Variants in OSCP1 observed in about 807,000 individuals in gnomAD.
OSCP1 encodes organic solute carrier partner 1, also known as protein OSCP1.
Under a neutral mutation model 45.1 loss-of-function variants are expected in OSCP1, and 35 were observed. The observed-to-expected ratio is 0.78, with a 90% CI of 0.59 to 1.03. The LOEUF (loss-of-function observed/expected upper bound fraction) is 1.03, where lower values mean the gene tolerates loss of function less well. Among genes scored for constraint, OSCP1 ranks in the 50% least tolerant of loss-of-function variants. The probability of loss-of-function intolerance (pLI) is 0.00; values close to 1 mark genes in which losing one functional copy is unlikely to be tolerated. For synonymous variants in OSCP1, 179 were observed against 180.1 expected, an observed-to-expected ratio of 0.99 and a Z score of 0.05; for missense variants, 400 against 470.7, an observed-to-expected ratio of 0.85 and a Z score of 1.39.
At chr1:36,431,484 T>C (rs1648358817) in intron 4 of OSCP1, among the ~76,000 whole-genome samples, 1 of 151,970 alleles carries the variant, frequency 6.6e-6, no homozygotes, top group South Asian at 2.1e-4. Context: ...TCAAGGAGGA[T>C]ACAGCTCAAC....
chr1:36,440,402 C>G (rs558433984), intron 1 of OSCP1, among the ~76,000 whole-genome samples: 40 of 152,196 alleles, frequency 2.6e-4, no homozygotes, highest in Non-Finnish European at 4.0e-4. Context: ...CACACACCCC[C>G]GGTGACACAA....
At chr1:36,429,529 C>G (rs1415352301) in intron 4 of OSCP1, among the ~76,000 whole-genome samples, 4 of 103,578 alleles carry the variant, frequency 3.9e-5, no homozygotes, top group Admixed American at 2.2e-4. Flanking sequence ...AATTCAGAAG[C>G]TTAGAATTTT....
intron 4 of OSCP1, among the ~76,000 whole-genome samples, chr1:36,424,073 T>G (rs1478230446): frequency 6.6e-6 from 1 of 152,012 alleles, no homozygotes; most frequent in South Asian, 2.1e-4. Context: ...AGCCCCCAAG[T>G]AGCTGGGACC....
At position 36,447,863 on chromosome 1, in the gene OSCP1, A is replaced by G. The variant is rs779957971; in HGVS notation, c.112+2395T>C. On this transcript the variant is annotated intron_variant, in intron 1 of 9. Transcript: ENST00000235532. This position sits in a 1 kb window ranked among gnomAD's most constrained non-coding sequence, Gnocchi z 4.1. ...CATCAGGCTCCATATAGTATCTCAC[A>G]TAGTGTTTGACACTCAGTCAAAATC... is the stretch of plus-strand genomic sequence containing the variant. The G allele has an allele frequency of 4.4e-6, 2 of 452,872 alleles. No homozygotes were observed. The highest frequency in any genetic ancestry group is 4.7e-5 in the Admixed American group (2 of 42,358). 28.1% of individuals were successfully genotyped at this position (452,872 alleles called of 1,614,324 possible). A position where few individuals can be genotyped will look rare whatever the true frequency, so the allele number is the denominator to read the frequency against.
intron 4 of OSCP1, among the ~76,000 whole-genome samples, chr1:36,430,932 G>T (rs1277311038): frequency 6.6e-6 from 1 of 152,242 alleles, no homozygotes; most frequent in Non-Finnish European, 1.5e-5. Context: ...TGGGATTACA[G>T]GCGTGAGCCA....
chr1:36,448,599 G>T (rs910215950), intron 1 of OSCP1, among the ~76,000 whole-genome samples: 5 of 152,212 alleles, frequency 3.3e-5, no homozygotes, highest in African/African-American at 4.8e-5. Flanking sequence ...TGGGAGCACA[G>T]GCTGCTATGA....
chr1:36,450,143 T>C lies in OSCP1; in HGVS notation c.112+115A>G. On this transcript the variant is annotated intron_variant, in intron 1 of 9. Transcript: ENST00000235532. ...GGATGTGGCTTGTAAGAAAGGTCCC[T>C]GGTTATAAGAGTGAAGTGTGTAGGG... 3 of 805,224 alleles carry C rather than the reference T, an allele frequency of 3.7e-6. No homozygotes were observed. In the East Asian group the frequency reaches 7.7e-5, roughly 21 times the overall value. 49.9% of individuals were successfully genotyped at this position (805,224 alleles called of 1,614,324 possible).
chr1:36,439,724 C>G (rs2124804838), intron 1 of OSCP1, among the ~76,000 whole-genome samples: 1 of 152,280 alleles, frequency 6.6e-6, no homozygotes, highest in East Asian at 1.9e-4. Context: ...TTTTGAATGC[C>G]TTAATTTCCA....
chr1:36,442,346 G>A (rs1392655266), intron 1 of OSCP1, among the ~76,000 whole-genome samples: 3 of 152,140 alleles, frequency 2.0e-5, no homozygotes, highest in Admixed American at 6.5e-5. Context: ...AGATTATGAA[G>A]CCAGTTTCTG....
At chr1:36,440,546 C>T (rs1458999755) in intron 1 of OSCP1, among the ~76,000 whole-genome samples, 1 of 152,176 alleles carries the variant, frequency 6.6e-6, no homozygotes, top group African/African-American at 2.4e-5. Flanking sequence ...TGACATCTGA[C>T]AATTTCAAAC....
rs1319893994 is a variant in OSCP1, at chr1:36,422,758, A to G, written c.749+10T>C. The G allele has an allele frequency of 6.4e-7, 1 of 1,564,736 alleles. No homozygotes were observed. Among genetic ancestry groups the G allele is most frequent in the Non-Finnish European group, 8.7e-7 (1 of 1,152,286 alleles). ...TGGACTTGAATTCACTCAGAGAAGA[A>G]TTTGCTTACATGTTAGTTCCCAGTT... is the stretch of plus-strand genomic sequence containing the variant. On this transcript the variant is annotated intron_variant, in intron 6 of 9. Coordinates refer to ENST00000235532, the MANE Select transcript of OSCP1 (RefSeq NM_145047.5).
intron 1 of OSCP1, 68 bp from the exon 2 acceptor site, chr1:36,438,978 T>C: frequency 6.5e-7 from 1 of 1,541,090 alleles, no homozygotes; most frequent in Non-Finnish European, 8.9e-7. Context: ...ATGCTCTTTG[T>C]GTGCAGGTAC....
At chr1:36,442,551 T>C (rs1353153305) in intron 1 of OSCP1, among the ~76,000 whole-genome samples, 1 of 152,222 alleles carries the variant, frequency 6.6e-6, no homozygotes, top group African/African-American at 2.4e-5. Flanking sequence ...CAATTGGGCT[T>C]TTTTTCGAGA....
chr1:36,426,947 C>G (rs1238132862), intron 4 of OSCP1, among the ~76,000 whole-genome samples: 1 of 149,950 alleles, frequency 6.7e-6, no homozygotes, highest in East Asian at 2.0e-4. Context: ...CTCAAGTGAT[C>G]TGCCTGCCTC....
At chr1:36,421,133 C>G (rs1291338145) in intron 7 of OSCP1, among the ~76,000 whole-genome samples, 2 of 152,100 alleles carry the variant, frequency 1.3e-5, no homozygotes, top group East Asian at 3.9e-4. Flanking sequence ...CCACCAGTTA[C>G]CTAAATGCAG....
In OSCP1 at chr1:36,432,598, CCA is replaced by C. The variant is rs1298046601; in HGVS notation, c.268-11_268-10del. On this transcript the variant is annotated splice_polypyrimidine_tract_variant and intron_variant, in intron 2 of 9. Coordinates refer to ENST00000235532, the MANE Select transcript of OSCP1 (RefSeq NM_145047.5). ...GTCATCAGGTCATAGAGCTGCCAAC[CCA>C]CACACAAGCAAAAGAAATGGGATCA... The C allele has an allele frequency of 3.1e-6, 5 of 1,613,892 alleles. No individual in the cohort carries two copies. The African/African-American group carries it at 6.7e-5, about 22-fold the overall frequency.
At chr1:36,420,870 G>A (rs1319000941) in intron 7 of OSCP1, among the ~76,000 whole-genome samples, 3 of 152,078 alleles carry the variant, frequency 2.0e-5, no homozygotes, top group Non-Finnish European at 4.4e-5. Flanking sequence ...AGGGATCCAC[G>A]TTTCTCCTCT....
At chr1:36,431,753 C>G in intron 4 of OSCP1, 49 bp downstream of exon 4, 3 of 1,583,600 alleles carry the variant, frequency 1.9e-6, no homozygotes, top group Non-Finnish European at 2.6e-6. Context: ...AGGGTTGTTT[C>G]CCTGGTACAG....
chr1:36,424,980 C>T (rs1402410736), intron 4 of OSCP1, among the ~76,000 whole-genome samples: 2 of 151,898 alleles, frequency 1.3e-5, no homozygotes, highest in Non-Finnish European at 2.9e-5. Context: ...CGAGACCAGC[C>T]TGGCCAACAT....
Sources: gnomAD v4.1 joint callset for allele counts (sites outside exome capture counted in the v4.1 genomes callset) on GRCh38, gnomAD v4.1.1 for gene constraint, Gnocchi (gnomAD v3.1) non-coding constraint, MANE v1.5 for transcripts, NCBI Gene and HGNC (gene_info 2026-07-23, HGNC 2026-07-21) for gene names.